PCSK2: variants seen among roughly 807,000 people sequenced by gnomAD.
The protein encoded by PCSK2 is neuroendocrine convertase 2.
A neutral mutation model predicts 69.7 loss-of-function variants in PCSK2; 14 were observed. The observed-to-expected ratio is 0.20, with a 90% confidence interval of 0.13 to 0.31. The LOEUF is 0.31. PCSK2 is among the 10% of genes least tolerant of loss of function. The probability of loss-of-function intolerance (pLI) is 1.00; values close to 1 mark genes in which losing one functional copy is unlikely to be tolerated. For missense variants in PCSK2, 544 were observed against 842.5 expected (o/e 0.65, Z 4.39); for synonymous variants, 307 against 320.7 (o/e 0.96, Z 0.46).
In PCSK2 at chr20:17,407,513, A is replaced by G. The variant is rs1024312206; in HGVS notation, c.544-1750A>G. 2.0e-5 allele frequency among the ~76,000 whole-genome samples: 3 copies of G among 152,306 alleles called. No homozygotes were observed. The East Asian group carries it at 5.8e-4, about 29-fold the overall frequency. ...CTAAGAATGCTGTTATCTCTGAAAA[A>G]TTCAGAGGTTAGGAGAACAGAACAC... On this transcript the variant is annotated intron_variant, in intron 5 of 11. Coordinates refer to ENST00000262545, the MANE Select transcript of PCSK2 (RefSeq NM_002594.5).
rs570115672 is a variant in PCSK2 at position 17,260,627 on chromosome 20, GTTGCCTGGGAACATGTT to G, written c.282+287_282+303del. 2.6e-5 allele frequency among the ~76,000 whole-genome samples: 4 copies of G among 152,240 alleles called. No homozygotes were observed. In the South Asian group the frequency reaches 8.3e-4, roughly 32 times the overall value. On this transcript the variant is annotated intron_variant, in intron 2 of 11. Coordinates refer to ENST00000262545, the MANE Select transcript of PCSK2 (RefSeq NM_002594.5). ...AGTTATTATTGGGTGAGGACTTCGG[GTTGCCTGGGAACATGTT>G]TTGGCCTGTGATGGATGGGAAGACA... is the stretch of plus-strand genomic sequence containing the variant.
chr20:17,358,138 T>A (rs3764734), intron 2 of PCSK2, among the ~76,000 whole-genome samples, 189 bp from the exon 3 acceptor site: 2 of 144,434 alleles, frequency 1.4e-5, no homozygotes, highest in African/African-American at 2.6e-5. Flanking sequence ...AGACCCCCCC[T>A]AATCTCTACA....
At chr20:17,347,637 C>A (rs920357895) in intron 2 of PCSK2, among the ~76,000 whole-genome samples, 1 of 152,002 alleles carries the variant, frequency 6.6e-6, no homozygotes, top group Non-Finnish European at 1.5e-5. Context: ...AGTGTCGGTT[C>A]AGCACGCGTA....
chr20:17,268,970 AG>A (rs1410938906), intron 2 of PCSK2, among the ~76,000 whole-genome samples: 17 of 152,214 alleles, frequency 1.1e-4, no homozygotes, highest in African/African-American at 4.1e-4. Context: ...GGAAGTGAGA[AG>A]GCAAAGGTGA....
chr20:17,240,515 A>C lies in PCSK2; in HGVS notation c.177+13033A>C, dbSNP rs568580821. Among the ~76,000 whole-genome samples the C allele has an allele frequency of 3.7e-4, 57 of 152,254 alleles. No individual in the cohort carries two copies. The South Asian group carries it at 5.8e-3, about 16-fold the overall frequency. On this transcript the variant is annotated intron_variant, in intron 1 of 11. Coordinates refer to ENST00000262545, the MANE Select transcript of PCSK2 (RefSeq NM_002594.5). The stretch of plus-strand genomic sequence containing the variant: ...CCCTCAGGAGAGCGGTGCCTGAAAG[A>C]CATTGGCATCTGTATGTACTCTGTA...
chr20:17,381,791 T>C (rs1482668829), intron 5 of PCSK2, among the ~76,000 whole-genome samples: 2 of 152,118 alleles, frequency 1.3e-5, no homozygotes, highest in Non-Finnish European at 2.9e-5. Context: ...CCCACAAGCA[T>C]ACACACACAT....
At chr20:17,451,467 T>C (rs750544714) in intron 8 of PCSK2, among the ~76,000 whole-genome samples, 1 of 152,122 alleles carries the variant, frequency 6.6e-6, no homozygotes, top group Non-Finnish European at 1.5e-5. Context: ...TTGACTGGAA[T>C]ACTTCTCTCT....
intron 7 of PCSK2, among the ~76,000 whole-genome samples, chr20:17,434,055 T>C (rs939736753): frequency 7.5e-6 from 1 of 132,588 alleles, no homozygotes; most frequent in African/African-American, 2.9e-5. Context: ...CTCCCTCTCC[T>C]CTCTCTCTGT....
Position 17,453,669 on chromosome 20 carries a change from G to GAA in PCSK2, c.886-73_886-72insAA. On this transcript the variant is annotated intron_variant, in intron 8 of 11. Transcript: ENST00000262545. This position sits in a 1 kb window ranked among gnomAD's most constrained non-coding sequence, Gnocchi z 4.0. ...CAACTGCTGAAGAAGCCCAACCCCT[G>GAA]GGCTGGAGACCTCCCCTGCCCCCTC... is the stretch of plus-strand genomic sequence containing the variant. 1.2e-5 allele frequency: 18 copies of GAA among 1,563,702 alleles called. No homozygotes were observed. The highest frequency in any genetic ancestry group is 1.6e-5 in the Non-Finnish European group (18 of 1,148,494).
At chr20:17,399,242 C>T (rs1600548604) in intron 5 of PCSK2, among the ~76,000 whole-genome samples, 1 of 152,296 alleles carries the variant, frequency 6.6e-6, no homozygotes, top group East Asian at 1.9e-4. Context: ...CACTTTTAAG[C>T]CTGACTTTGT....
chr20:17,350,580 G>A (rs1306961756), intron 2 of PCSK2, among the ~76,000 whole-genome samples: 2 of 152,148 alleles, frequency 1.3e-5, no homozygotes, highest in Non-Finnish European at 2.9e-5. Flanking sequence ...CCAGATACTG[G>A]AAGATTGACT....
chr20:17,260,753 T>C (rs1164608797), intron 2 of PCSK2, among the ~76,000 whole-genome samples: 1 of 152,158 alleles, frequency 6.6e-6, no homozygotes, highest in Non-Finnish European at 1.5e-5. Context: ...CCCCACGTTG[T>C]GAACGGAAAG....
At chr20:17,297,906 A>G (rs543316960) in intron 2 of PCSK2, among the ~76,000 whole-genome samples, 10 of 152,356 alleles carry the variant, frequency 6.6e-5, no homozygotes, top group African/African-American at 2.2e-4. Context: ...ATTTAAGCTA[A>G]AAGTATTTTT....
intron 3 of PCSK2, among the ~76,000 whole-genome samples, chr20:17,358,680 T>C (rs1050176628): frequency 3.3e-5 from 5 of 152,212 alleles, no homozygotes; most frequent in African/African-American, 9.6e-5. Flanking sequence ...GACCAACAAC[T>C]AGTGGAATTC....
intron 2 of PCSK2, among the ~76,000 whole-genome samples, chr20:17,292,656 C>G (rs1600456902): frequency 6.6e-6 from 1 of 152,258 alleles, no homozygotes; most frequent in Middle Eastern, 3.4e-3. Context: ...TTGGGTCATA[C>G]CCTTCAAGAA....
intron 7 of PCSK2, among the ~76,000 whole-genome samples, chr20:17,433,812 T>TCTCTCTCTCTCTCTCTCC (rs774361715): frequency 4.8e-5 from 5 of 104,132 alleles, no homozygotes; most frequent in Non-Finnish European, 9.6e-5. Flanking sequence ...TCTCTCTCTC[T>TCTCTCTCTCTCTCTCTCC]CCCCCCACTT....
chr20:17,231,716 G>T (rs1203422737), intron 1 of PCSK2, among the ~76,000 whole-genome samples: 2 of 152,192 alleles, frequency 1.3e-5, no homozygotes, highest in Non-Finnish European at 2.9e-5. Flanking sequence ...GCACATTTTA[G>T]TTGGGTCCTC....
intron 11 of PCSK2, chr20:17,479,254 T>C: frequency 1.8e-6 from 2 of 1,097,104 alleles, no homozygotes; most frequent in Non-Finnish European, 1.4e-6. Flanking sequence ...TTATAAGCTT[T>C]TCCCAGCTTA....
chr20:17,438,174 G>A (rs1466779346), intron 8 of PCSK2, among the ~76,000 whole-genome samples: 1 of 152,164 alleles, frequency 6.6e-6, no homozygotes, highest in Non-Finnish European at 1.5e-5. Context: ...TTGCTTCTTA[G>A]ATTTTGGTAA....
Sources: allele counts gnomAD v4.1 joint callset (sites outside exome capture counted in the v4.1 genomes callset), GRCh38; gene constraint gnomAD v4.1.1; non-coding constraint Gnocchi (gnomAD v3.1); transcripts MANE v1.5; gene names NCBI Gene and HGNC (gene_info 2026-07-23, HGNC 2026-07-21).